KCTD8: variants seen among roughly 807,000 people sequenced by gnomAD.
KCTD8 encodes potassium channel tetramerization domain containing 8.
A neutral mutation model predicts 31.5 loss-of-function variants in KCTD8; 27 were observed. That is an observed-to-expected ratio of 0.86 (90% CI 0.63 to 1.18). The LOEUF is 1.18. KCTD8 is among the 50% of genes most tolerant of loss of function. KCTD8 has a pLI of 0.00. For synonymous variants in KCTD8, 290 were observed against 280.0 expected, an observed-to-expected ratio of 1.04 and a Z score of -0.36; for missense variants, 658 against 647.7, an observed-to-expected ratio of 1.02 and a Z score of -0.17.
At chr4:44,272,370 T>G (rs1319403030) in intron 1 of KCTD8, among the ~76,000 whole-genome samples, 1 of 151,896 alleles carries the variant, frequency 6.6e-6, no homozygotes, top group Non-Finnish European at 1.5e-5. Context: ...CTGTATATAT[T>G]ATGGAATCCG....
chr4:44,230,829 T>C (rs2109352377), intron 1 of KCTD8, among the ~76,000 whole-genome samples: 1 of 152,242 alleles, frequency 6.6e-6, no homozygotes, highest in Non-Finnish European at 1.5e-5. Context: ...GAGATTGTCT[T>C]TAGGATTTAG....
intron 1 of KCTD8, among the ~76,000 whole-genome samples, chr4:44,335,732 CCT>C (rs767960397): frequency 1.3e-5 from 2 of 151,942 alleles, no homozygotes; most frequent in Non-Finnish European, 2.9e-5. Context: ...CTAAATAACC[CCT>C]GTTATATTTA....
intron 1 of KCTD8, among the ~76,000 whole-genome samples, chr4:44,367,792 A>G (rs1284959447): frequency 1.3e-5 from 2 of 151,812 alleles, no homozygotes; most frequent in African/African-American, 2.4e-5. Context: ...CACTACAGAA[A>G]CCATCACTCA....
chr4:44,183,469 T>C (rs888730759), intron 1 of KCTD8, among the ~76,000 whole-genome samples: 4 of 152,226 alleles, frequency 2.6e-5, no homozygotes, highest in Admixed American at 1.3e-4. Context: ...ATAGAAAATA[T>C]CACAATAGGC....
intron 1 of KCTD8, among the ~76,000 whole-genome samples, chr4:44,322,015 G>C (rs1289848600): frequency 7.9e-5 from 12 of 151,984 alleles, no homozygotes; most frequent in Admixed American, 7.2e-4. Context: ...TGGACACTTA[G>C]GTTGATTCTG....
At chr4:44,399,209 G>A (rs1577654843) in intron 1 of KCTD8, among the ~76,000 whole-genome samples, 1 of 152,060 alleles carries the variant, frequency 6.6e-6, no homozygotes, top group Admixed American at 6.6e-5. Context: ...TTATCCATTA[G>A]GCGAGAACAA....
At position 44,448,547 on chromosome 4, in the gene KCTD8, G is replaced by C. The variant is rs776817350; in HGVS notation, c.-24C>G. ...ATAGTCCCCCCGCCGCCGGCCCAGT[G>C]ACCCGAGAGAGCTGCACTTTCTCGT... On this transcript the variant is annotated 5_prime_UTR_variant, in exon 1 of 2. Transcript: ENST00000360029. The surrounding 1 kb of genome is among the most constrained non-coding windows in gnomAD (Gnocchi z 4.1). The C allele has an allele frequency of 6.9e-7, 1 of 1,446,024 alleles. No individual in the cohort carries two copies. The highest frequency in any genetic ancestry group is 1.6e-5 in the South Asian group (1 of 64,166). The allele number at this position is 1,446,024 out of a possible 1,614,324, so 89.6% of individuals were successfully genotyped here. A position where few individuals can be genotyped will look rare whatever the true frequency, so the allele number is the denominator to read the frequency against.
chr4:44,227,775 T>C (rs1715007360), intron 1 of KCTD8, among the ~76,000 whole-genome samples: 1 of 152,226 alleles, frequency 6.6e-6, no homozygotes, highest in Non-Finnish European at 1.5e-5. Context: ...TCCCTCACTC[T>C]TAAGATGCAA....
At chr4:44,394,221 C>T (rs1423160476) in intron 1 of KCTD8, among the ~76,000 whole-genome samples, 2 of 151,996 alleles carry the variant, frequency 1.3e-5, no homozygotes, top group Non-Finnish European at 2.9e-5. Context: ...GAAGCTTTCA[C>T]ATCCATCGCC....
chr4:44,307,232 T>C (rs1256079194), intron 1 of KCTD8, among the ~76,000 whole-genome samples: 2 of 152,032 alleles, frequency 1.3e-5, no homozygotes, highest in African/African-American at 4.8e-5. Context: ...AGAAGGGCTA[T>C]TTTCAGAAAA....
At chr4:44,321,873 C>T (rs144207486) in intron 1 of KCTD8, among the ~76,000 whole-genome samples, 5 of 150,908 alleles carry the variant, frequency 3.3e-5, no homozygotes, top group Non-Finnish European at 7.4e-5. Flanking sequence ...CTCTGACTGG[C>T]TTATCTCACT....
chr4:44,340,204 C>T (rs1365589130), intron 1 of KCTD8, among the ~76,000 whole-genome samples: 1 of 151,878 alleles, frequency 6.6e-6, no homozygotes, highest in Admixed American at 6.6e-5. Flanking sequence ...TGGACTTGCC[C>T]AAGGTAAATA....
chr4:44,448,434 G>GGCC lies in KCTD8; in HGVS notation c.87_89dup (p.Ala33dup). 6.4e-7 allele frequency: 1 copy of GGCC among 1,554,174 alleles called. No individual in the cohort carries two copies. The highest frequency in any genetic ancestry group is 2.1e-5 in the Admixed American group (1 of 47,316). On this transcript the variant is annotated inframe_insertion, in exon 1 of 2. Coordinates refer to ENST00000360029, the MANE Select transcript of KCTD8 (RefSeq NM_198353.3). The surrounding 1 kb of genome is among the most constrained non-coding windows in gnomAD (Gnocchi z 4.1). The stretch of plus-strand genomic sequence containing the variant: ...GTGCGCAGGGCCCCGGGGCGGCGGC[G>GGCC]GCCGACGCGCCGGGCGAGCTGGACG...
At chr4:44,181,792 AG>A (rs1221151169) in intron 1 of KCTD8, among the ~76,000 whole-genome samples, 6 of 148,354 alleles carry the variant, frequency 4.0e-5, no homozygotes, top group African/African-American at 1.5e-4. Context: ...CATCCCATCT[AG>A]GAAGTGAGGA....
At chr4:44,359,100 A>C (rs1266471422) in intron 1 of KCTD8, among the ~76,000 whole-genome samples, 1 of 152,134 alleles carries the variant, frequency 6.6e-6, no homozygotes, top group Non-Finnish European at 1.5e-5. Flanking sequence ...AAATTTATCC[A>C]GTTCTATAGG....
At chr4:44,270,701 C>A (rs1026512807) in intron 1 of KCTD8, among the ~76,000 whole-genome samples, 2 of 152,146 alleles carry the variant, frequency 1.3e-5, no homozygotes, top group African/African-American at 2.4e-5. Context: ...GCTGAAAGCA[C>A]AAATGGGTCG....
chr4:44,317,846 C>T (rs1718182712), intron 1 of KCTD8, among the ~76,000 whole-genome samples: 1 of 152,154 alleles, frequency 6.6e-6, no homozygotes, highest in Non-Finnish European at 1.5e-5. Context: ...AGTAGCAGTG[C>T]CCACAAAGAT....
At chr4:44,266,807 A>C (rs1014312302) in intron 1 of KCTD8, among the ~76,000 whole-genome samples, 4 of 152,194 alleles carry the variant, frequency 2.6e-5, no homozygotes, top group African/African-American at 9.7e-5. Flanking sequence ...AGGCCATTAC[A>C]TAATGGTAAA....
At chr4:44,200,637 G>A (rs1194532970) in intron 1 of KCTD8, among the ~76,000 whole-genome samples, 1 of 151,984 alleles carries the variant, frequency 6.6e-6, no homozygotes, top group East Asian at 1.9e-4. Context: ...CAACAGGCTA[G>A]GCATTGAAGA....
Sources: gnomAD v4.1 joint callset for allele counts (sites outside exome capture counted in the v4.1 genomes callset) on GRCh38, gnomAD v4.1.1 for gene constraint, Gnocchi (gnomAD v3.1) non-coding constraint, MANE v1.5 for transcripts, NCBI Gene and HGNC (gene_info 2026-07-23, HGNC 2026-07-21) for gene names.